HTR1F: variants seen among roughly 807,000 people sequenced by gnomAD.
The protein encoded by HTR1F is 5-hydroxytryptamine (serotonin) receptor 1F, G protein-coupled.
A neutral mutation model predicts 24.0 loss-of-function variants in HTR1F; 17 were observed. The ratio of observed to expected loss-of-function variants is 0.71; its 90% CI spans 0.48 to 1.06. HTR1F has a LOEUF of 1.06. Ranked by LOEUF, HTR1F falls within the 50% of genes least tolerant of loss-of-function variation. The pLI is 0.00. For synonymous variants in HTR1F, 186 were observed against 156.8 expected (o/e 1.19, Z -1.39); for missense variants, 391 against 427.8 (o/e 0.91, Z 0.76).
rs186333314 is a variant in HTR1F at position 87,899,752 on chromosome 3, C to T, written c.-43+77628C>T. Among the ~76,000 whole-genome samples the T allele has an allele frequency of 3.7e-4, 57 of 152,144 alleles. No homozygotes were observed. The East Asian group carries it at 3.9e-3, about 10-fold the overall frequency. ...TAATGGCTTGTGCCTGTAATCCCAG[C>T]TACTCGGGAGGCTGAGGCAGGAGAA... On this transcript the variant is annotated intron_variant, in intron 2 of 2. Transcript: ENST00000319595.
chr3:87,984,174 T>A (rs1010372707), intron 2 of HTR1F, among the ~76,000 whole-genome samples: 2 of 152,246 alleles, frequency 1.3e-5, no homozygotes, highest in Non-Finnish European at 2.9e-5. Flanking sequence ...CCTCTGCTTT[T>A]GCTCATACTT....
chr3:87,951,733 G>C (rs918625902), intron 2 of HTR1F, among the ~76,000 whole-genome samples: 7 of 151,858 alleles, frequency 4.6e-5, no homozygotes, highest in Non-Finnish European at 7.4e-5. Flanking sequence ...CAAATATATA[G>C]TTATATGCAT....
chr3:87,991,524 G>C lies in HTR1F; in HGVS notation c.775G>C (p.Asp259His). The change falls in exon 3 of 3, where the codon GAT (aspartate) becomes CAT (histidine). Residue 259 changes from aspartate to histidine, a missense_variant. Physicochemically the swap from Asp to His is moderately conservative, Grantham distance 81 (BLOSUM62 -1). Transcript: ENST00000319595. ...KSLSDPSTDF[D>H]KIHSTVRSLR... is the part of the protein sequence containing the mutation. ...TTTATCTGACCCATCAACAGACTTT[G>C]ATAAAATTCATAGCACAGTGAGAAG... The C allele has an allele frequency of 1.9e-6, 3 of 1,614,008 alleles. No homozygotes were observed. The highest frequency in any genetic ancestry group is 2.5e-6 in the Non-Finnish European group (3 of 1,179,964).
chr3:87,822,373 T>A (rs898545501), intron 2 of HTR1F, among the ~76,000 whole-genome samples: 1 of 152,074 alleles, frequency 6.6e-6, no homozygotes, highest in Non-Finnish European at 1.5e-5. Flanking sequence ...TTGGAGATGG[T>A]GTTAAGAGAA....
At chr3:87,889,880 T>G (rs1706040924) in intron 2 of HTR1F, among the ~76,000 whole-genome samples, 1 of 152,232 alleles carries the variant, frequency 6.6e-6, no homozygotes, top group African/African-American at 2.4e-5. Context: ...TCACAAGTCT[T>G]GCACCAGGCA....
At chr3:87,971,213 T>C (rs1705278811) in intron 2 of HTR1F, among the ~76,000 whole-genome samples, 1 of 152,212 alleles carries the variant, frequency 6.6e-6, no homozygotes, top group South Asian at 2.1e-4. Flanking sequence ...GAAAAGTATG[T>C]GACATCAACT....
intron 2 of HTR1F, among the ~76,000 whole-genome samples, chr3:87,933,196 A>T (rs917244060): frequency 1.3e-5 from 2 of 152,174 alleles, no homozygotes; most frequent in African/African-American, 2.4e-5. Context: ...TATTGATTGG[A>T]TGTATCTCAA....
intron 2 of HTR1F, among the ~76,000 whole-genome samples, chr3:87,852,772 C>T (rs1705114630): frequency 6.6e-6 from 1 of 151,648 alleles, no homozygotes; most frequent in African/African-American, 2.4e-5. Flanking sequence ...CTTGGCTATT[C>T]TTAGACATCT....
At chr3:87,801,475 G>C (rs1703988662) in intron 1 of HTR1F, among the ~76,000 whole-genome samples, 1 of 152,142 alleles carries the variant, frequency 6.6e-6, no homozygotes, top group African/African-American at 2.4e-5. Context: ...CAAGGTGGTC[G>C]GGGCACAGCT....
At chr3:87,829,839 C>A (rs1008470896) in intron 2 of HTR1F, among the ~76,000 whole-genome samples, 2 of 152,088 alleles carry the variant, frequency 1.3e-5, no homozygotes, top group African/African-American at 4.8e-5. Flanking sequence ...AAGGTATATA[C>A]AATTTGTAAG....
chr3:87,810,192 T>A (rs1704137639), intron 1 of HTR1F, among the ~76,000 whole-genome samples: 1 of 152,176 alleles, frequency 6.6e-6, no homozygotes, highest in Non-Finnish European at 1.5e-5. Context: ...GGAGTTTATA[T>A]GGATTCTGCT....
chr3:87,923,799 T>A (rs1399260355), intron 2 of HTR1F, among the ~76,000 whole-genome samples: 1 of 152,124 alleles, frequency 6.6e-6, no homozygotes, highest in African/African-American at 2.4e-5. Flanking sequence ...TCACATTTAT[T>A]GATTTGCATG....
chr3:87,951,609 C>G (rs1335536391), intron 2 of HTR1F, among the ~76,000 whole-genome samples: 18 of 152,050 alleles, frequency 1.2e-4, no homozygotes, highest in Non-Finnish European at 1.5e-5. Context: ...CAACATCCCC[C>G]ACAAGAGTAG....
intron 2 of HTR1F, among the ~76,000 whole-genome samples, chr3:87,936,516 A>C (rs1029158102): frequency 5.3e-5 from 8 of 152,212 alleles, no homozygotes; most frequent in African/African-American, 1.9e-4. Context: ...TAAATGAATA[A>C]ATAAATTAGA....
chr3:87,915,956 A>G (rs1322038204), intron 2 of HTR1F, among the ~76,000 whole-genome samples: 1 of 152,180 alleles, frequency 6.6e-6, no homozygotes, highest in East Asian at 1.9e-4. Context: ...GCTGTGAGAC[A>G]AAAGCATCAG....
chr3:87,898,055 G>A (rs779881268), intron 2 of HTR1F, among the ~76,000 whole-genome samples: 3 of 152,128 alleles, frequency 2.0e-5, no homozygotes, highest in Admixed American at 6.6e-5. Context: ...TTAGGTGAAT[G>A]AATAGGTGGA....
intron 2 of HTR1F, among the ~76,000 whole-genome samples, chr3:87,839,283 G>A (rs939027074): frequency 9.9e-5 from 15 of 151,916 alleles, no homozygotes; most frequent in Admixed American, 6.6e-4. Context: ...TCATTCATCT[G>A]CATGTAGATG....
chr3:87,991,307 A>C lies in HTR1F; in HGVS notation c.558A>C (p.Thr186=), dbSNP rs369299265. 6.2e-7 allele frequency: 1 copy of C among 1,614,042 alleles called. No homozygotes were observed. Among genetic ancestry groups the C allele is most frequent in the South Asian group, 1.1e-5 (1 of 91,088 alleles). ...ACATTGTTTCCACCATTTACTCAAC[A>C]TTTGGAGCTTTCTACATCCCACTGG... ...HDHIVSTIYS[T]FGAFYIPLAL... The change falls in exon 3 of 3, where the codon ACA becomes ACC. Residue 186 remains threonine (T), a synonymous_variant. Transcript: ENST00000319595.
intron 2 of HTR1F, among the ~76,000 whole-genome samples, chr3:87,978,572 A>T (rs913731977): frequency 6.6e-6 from 1 of 151,830 alleles, no homozygotes; most frequent in African/African-American, 2.4e-5. Context: ...GGGAGAAGAG[A>T]CCCAGTACCT....
Sources: gnomAD v4.1 joint callset for allele counts (sites outside exome capture counted in the v4.1 genomes callset) on GRCh38, gnomAD v4.1.1 for gene constraint, MANE v1.5 for transcripts, NCBI Gene and HGNC (gene_info 2026-07-23, HGNC 2026-07-21) for gene names.